The following CSK variants were observed in gnomAD, a reference collection of about 807,000 sequenced individuals.
CSK encodes the protein C-terminal Src kinase, also known as tyrosine-protein kinase CSK.
Under a neutral mutation model 62.3 loss-of-function variants are expected in CSK, and 7 were observed. The ratio of observed to expected loss-of-function variants is 0.11; its 90% confidence interval spans 0.06 to 0.21. CSK has a LOEUF of 0.21. Among genes scored for constraint, CSK ranks in the 10% least tolerant of loss-of-function variants. The pLI is 1.00. For missense variants in CSK, 294 were observed against 613.5 expected, an observed-to-expected ratio of 0.48 and a Z score of 5.50; for synonymous variants, 237 against 246.0, an observed-to-expected ratio of 0.96 and a Z score of 0.34.
At chr15:74,800,539 C>A (rs751824356) in intron 6 of CSK, 34 bp downstream of exon 6, 1 of 1,593,704 alleles carries the variant, frequency 6.3e-7, no homozygotes, top group African/African-American at 1.3e-5. Context: ...TCTTGCCCAC[C>A]CACCTCCTCC....
chr15:74,802,008 T>C lies in CSK; in HGVS notation c.1095T>C (p.Thr365=), dbSNP rs776891136. 1 of 1,613,994 alleles carries C rather than the reference T, an allele frequency of 6.2e-7. No homozygotes were observed. The highest frequency in any genetic ancestry group is 1.7e-5 in the Admixed American group (1 of 59,996). The change falls in exon 12 of 13, where the codon ACT becomes ACC. Residue 365 remains threonine (T), a synonymous_variant. Coordinates refer to ENST00000220003, the MANE Select transcript of CSK (RefSeq NM_004383.3). ...CATCCACATGGCAGAAATTCTCCAC[T>C]AAGTCTGACGTGTGGAGTTTCGGAA... The part of the protein sequence containing the change: ...PEALREKKFS[T]KSDVWSFGIL...
At position 74,802,062 on chromosome 15, in the gene CSK, G is replaced by T; in HGVS notation, c.1149G>T (p.Gly383=). The change falls in exon 12 of 13, where the codon GGG becomes GGT. Residue 383 remains glycine (G), a synonymous_variant. Transcript: ENST00000220003. ...GILLWEIYSF[G]RVPYPRIPLK... is the part of the protein sequence containing the mutation. ...TTCTCTGGGAAATCTACTCCTTTGGGCGAGTGCCTTATCCAAGAATTGTGA... is the reference window on the plus strand; with the variant it reads ...TTCTCTGGGAAATCTACTCCTTTGGTCGAGTGCCTTATCCAAGAATTGTGA... 6.2e-7 allele frequency: 1 copy of T among 1,614,074 alleles called. No homozygotes were observed. Among genetic ancestry groups the T allele is most frequent in the Non-Finnish European group, 8.5e-7 (1 of 1,180,006 alleles).
chr15:74,787,263 C>T (rs1440324901), intron 1 of CSK, among the ~76,000 whole-genome samples: 1 of 152,184 alleles, frequency 6.6e-6, no homozygotes, highest in Admixed American at 6.5e-5. Flanking sequence ...CTGGTGCTCC[C>T]TGCATGGCTG....
At position 74,802,352 on chromosome 15, in the gene CSK, C is replaced by T. The variant is rs1247351581; in HGVS notation, c.1192C>T (p.Arg398Trp). The T allele has an allele frequency of 1.9e-5, 30 of 1,602,912 alleles. No homozygotes were observed. Among genetic ancestry groups the T allele is most frequent in the Non-Finnish European group, 2.4e-5 (28 of 1,176,698 alleles). ...PRIPLKDVVP[R>W]VEKGYKMDAP... is the part of the protein sequence containing the mutation. The stretch of plus-strand genomic sequence containing the variant: ...ACAGCCCCTGAAGGACGTCGTCCCT[C>T]GGGTGGAGAAGGGCTACAAGATGGA... The change falls in exon 13 of 13, where the codon CGG becomes TGG. Residue 398 changes from arginine to tryptophan, a missense_variant. Around this residue, in one of 3 missense-constraint regions of CSK, gnomAD observed 66 missense variants for 99.3 expected, o/e 0.66. Coordinates refer to ENST00000220003, the MANE Select transcript of CSK (RefSeq NM_004383.3).
At chr15:74,786,906 G>A (rs34628373) in intron 1 of CSK, among the ~76,000 whole-genome samples, 1 of 152,244 alleles carries the variant, frequency 6.6e-6, no homozygotes, top group African/African-American at 2.4e-5. Context: ...ACTTTGGCCT[G>A]TGGAGTATCT....
In CSK at chr15:74,800,884, C is replaced by G; in HGVS notation, c.684C>G (p.Ala228=). 1 of 1,613,214 alleles carries G rather than the reference C, an allele frequency of 6.2e-7. No individual in the cohort carries two copies. The highest frequency in any genetic ancestry group is 8.5e-7 in the Non-Finnish European group (1 of 1,180,026). ...CCGTCAAGTGCATTAAGAACGACGC[C>G]ACTGCCCAGGCCTTCCTGGCTGAAG... ...KVAVKCIKND[A]TAQAFLAEAS... Residue 228 remains alanine (A), a synonymous_variant, in exon 8 of 13, where the codon GCC becomes GCG. Coordinates refer to ENST00000220003, the MANE Select transcript of CSK (RefSeq NM_004383.3).
Position 74,801,593 on chromosome 15 carries a change from G to C in CSK, c.885G>C (p.Ser295=). 1 of 1,613,856 alleles carries C rather than the reference G, an allele frequency of 6.2e-7. No homozygotes were observed. Among genetic ancestry groups the C allele is most frequent in the South Asian group, 1.1e-5 (1 of 91,048 alleles). ...VLGGDCLLKF[S]LDVCEAMEYL... is the part of the protein sequence containing the mutation. ...GCGGAGACTGTCTCCTCAAGTTCTC[G>C]CTGTGAGTGAAGCAGCCTCTTGGAT... The change falls in exon 10 of 13, where the codon TCG becomes TCC. Residue 295 remains serine (S), a splice_region_variant and synonymous_variant. Coordinates refer to ENST00000220003, the MANE Select transcript of CSK (RefSeq NM_004383.3).
intron 1 of CSK, among the ~76,000 whole-genome samples, chr15:74,786,082 A>G (rs908380176): frequency 1.4e-5 from 2 of 139,298 alleles, no homozygotes; most frequent in Non-Finnish European, 3.1e-5. Flanking sequence ...CTGGAGTGCA[A>G]TGGCGCGATC....
intron 1 of CSK, among the ~76,000 whole-genome samples, chr15:74,795,294 G>A (rs1234794739): frequency 6.6e-6 from 1 of 152,026 alleles, no homozygotes; most frequent in Non-Finnish European, 1.5e-5. Context: ...GTCTTCTCCC[G>A]CGCCACTGCA....
intron 1 of CSK, chr15:74,797,990 T>C (rs1226128858): frequency 9.8e-6 from 3 of 307,298 alleles, no homozygotes; most frequent in Non-Finnish European, 1.8e-5. Context: ...CTCCTTTCTA[T>C]CAGTCCTGGA....
Position 74,782,978 on chromosome 15 carries a change from C to A in CSK, c.-66+258C>A, listed in dbSNP as rs534008226. Among the ~76,000 whole-genome samples, 8 of 152,254 alleles carry A rather than the reference C, an allele frequency of 5.3e-5. No homozygotes were observed. The highest frequency in any genetic ancestry group is 8.8e-5 in the Non-Finnish European group (6 of 68,042). Reference sequence around the variant, plus strand: ...CTTCTCGGGTCATCCCGAGTCCCCCCCTCTGTGGAGCTCAGAGTAGGAGGT... The same window carrying A: ...CTTCTCGGGTCATCCCGAGTCCCCCACTCTGTGGAGCTCAGAGTAGGAGGT... On this transcript the variant is annotated intron_variant, in intron 1 of 12. Transcript: ENST00000220003. The surrounding 1 kb of genome is among the most constrained non-coding windows in gnomAD (Gnocchi z 5.7).
intron 1 of CSK, among the ~76,000 whole-genome samples, chr15:74,796,610 GA>G (rs2063710117): frequency 6.8e-6 from 1 of 147,974 alleles, no homozygotes; most frequent in African/African-American, 2.5e-5. Context: ...AAAAAAAAAA[GA>G]AAAGAAAAAG....
chr15:74,793,387 GCCTCCTC>G (rs35739285), intron 1 of CSK: 3,297 of 152,980 alleles, frequency 0.022, 51 homozygotes, highest in East Asian at 0.071. Flanking sequence ...AGCTGCTTCT[GCCTCCTC>G]CCTCCTCCCT....
At chr15:74,795,353 TAATAA>T (rs910110461) in intron 1 of CSK, among the ~76,000 whole-genome samples, 1 of 152,022 alleles carries the variant, frequency 6.6e-6, no homozygotes, top group Admixed American at 6.6e-5. Context: ...ATAACAATAA[TAATAA>T]AATAAAATGT....
In CSK at chr15:74,798,439, C is replaced by A. The variant is rs2063738615; in HGVS notation, c.15+127C>A. 2 of 1,355,912 alleles carry A rather than the reference C, an allele frequency of 1.5e-6. No individual in the cohort carries two copies. Among genetic ancestry groups the A allele is most frequent in the African/African-American group, 2.9e-5 (2 of 68,978 alleles). 84.0% of individuals were successfully genotyped at this position (1,355,912 alleles called of 1,614,324 possible). ...CTTTTTCCCAGCACTCAGTCAGGTA[C>A]AGGCCTGGGGAAGTGGGGGAGTCTC... is the stretch of plus-strand genomic sequence containing the variant. On this transcript the variant is annotated intron_variant, in intron 2 of 12. Transcript: ENST00000220003. This position sits in a 1 kb window ranked among gnomAD's most constrained non-coding sequence, Gnocchi z 6.6.
chr15:74,802,271 G>A, intron 12 of CSK, 60 bp from the exon 13 acceptor site: 1 of 1,498,478 alleles, frequency 6.7e-7, no homozygotes, highest in African/African-American at 1.4e-5. Context: ...AGAGGCTGCT[G>A]GGTAGGTGTC....
intron 1 of CSK, among the ~76,000 whole-genome samples, chr15:74,788,229 G>T (rs1161926586): frequency 4.6e-5 from 7 of 152,190 alleles, no homozygotes; most frequent in African/African-American, 1.2e-4. Flanking sequence ...AGAGGCTGGG[G>T]TATGCAGACA....
At position 74,802,354 on chromosome 15, in the gene CSK, G is replaced by A. The variant is rs753629622; in HGVS notation, c.1194G>A (p.Arg398=). 7.4e-5 allele frequency: 119 copies of A among 1,604,158 alleles called. No individual in the cohort carries two copies. The highest frequency in any genetic ancestry group is 2.9e-4 in the South Asian group (26 of 90,354). The change falls in exon 13 of 13, where the codon CGG becomes CGA. Residue 398 remains arginine (R), a synonymous_variant. Transcript: ENST00000220003. ...PRIPLKDVVP[R]VEKGYKMDAP... The stretch of plus-strand genomic sequence containing the variant: ...AGCCCCTGAAGGACGTCGTCCCTCG[G>A]GTGGAGAAGGGCTACAAGATGGATG...
chr15:74,798,902 AG>A lies in CSK; in HGVS notation c.209del (p.Gly70AlafsTer2). The stretch of plus-strand genomic sequence containing the variant: ...CCAGCCAACTACGTCCAGAAGCGGG[AG>A]GGCGTGAAGGCGGGTACCAAACTCA... ...IIPANYVQKR[E>X]GVKAGTKLSL... On this transcript the variant is annotated frameshift_variant, in exon 4 of 13. Transcript: ENST00000220003. LOFTEE classifies it high-confidence loss of function. The surrounding 1 kb of genome is among the most constrained non-coding windows in gnomAD (Gnocchi z 6.6). 1 of 1,539,376 alleles carries A rather than the reference AG, an allele frequency of 6.5e-7. No individual in the cohort carries two copies. The highest frequency in any genetic ancestry group is 8.7e-7 in the Non-Finnish European group (1 of 1,144,194).
Sources: gnomAD v4.1 joint callset for allele counts (sites outside exome capture counted in the v4.1 genomes callset) on GRCh38, gnomAD v4.1.1 for gene constraint, gnomAD v4.1.1 regional missense constraint, Gnocchi (gnomAD v3.1) non-coding constraint, MANE v1.5 for transcripts, NCBI Gene and HGNC (gene_info 2026-07-23, HGNC 2026-07-21) for gene names.